PRKN: variants seen among roughly 807,000 people sequenced by gnomAD.
The protein encoded by PRKN is parkin RBR E3 ubiquitin protein ligase.
Under a neutral mutation model 59.5 loss-of-function variants are expected in PRKN, and 56 were observed. The observed-to-expected ratio is 0.94, with a 90% confidence interval of 0.76 to 1.18. The LOEUF is 1.18. Among genes scored for constraint, PRKN ranks in the 50% most tolerant of loss-of-function variants. The probability of loss-of-function intolerance (pLI) is 0.00; values close to 1 mark genes in which losing one functional copy is unlikely to be tolerated. For missense variants in PRKN, 657 were observed against 596.4 expected (o/e 1.10, Z -1.06); for synonymous variants, 250 against 222.1 (o/e 1.13, Z -1.12).
At position 161,451,476 on chromosome 6, in the gene PRKN, G is replaced by A. The variant is rs1789737088; in HGVS notation, c.1084-64599C>T. The stretch of plus-strand genomic sequence containing the variant: ...CATCAACAGACTCCATCAACAGGAG[G>A]CAACGCAGCCTCAGGATACCACCTG... On this transcript the variant is annotated intron_variant, in intron 9 of 11. Transcript: ENST00000366898. The surrounding 1 kb of genome is among the most constrained non-coding windows in gnomAD (Gnocchi z 5.9). 6.6e-6 allele frequency among the ~76,000 whole-genome samples: 1 copy of A among 152,086 alleles called. No homozygotes were observed. Among genetic ancestry groups the A allele is most frequent in the Non-Finnish European group, 1.5e-5 (1 of 67,996 alleles).
chr6:162,014,411 G>T (rs922116431), intron 5 of PRKN, among the ~76,000 whole-genome samples: 2 of 152,188 alleles, frequency 1.3e-5, no homozygotes, highest in Admixed American at 6.5e-5. Context: ...AGGCGCCTCT[G>T]CAGAGGCCTC....
chr6:162,506,442 C>G (rs1793612291), intron 1 of PRKN, among the ~76,000 whole-genome samples: 1 of 152,124 alleles, frequency 6.6e-6, no homozygotes. Context: ...AGTCCTCCCT[C>G]CAGCCCCCTG....
intron 4 of PRKN, among the ~76,000 whole-genome samples, chr6:162,070,241 A>G (rs1042225724): frequency 2.0e-5 from 3 of 152,270 alleles, no homozygotes; most frequent in African/African-American, 7.2e-5. Flanking sequence ...TGATGATTAC[A>G]TCATGCATTT....
chr6:161,520,252 T>C (rs1778770838), intron 9 of PRKN, among the ~76,000 whole-genome samples: 2 of 114,950 alleles, frequency 1.7e-5, no homozygotes, highest in South Asian at 5.8e-4. Context: ...TGAGAAAGAG[T>C]CTTGCTCTGT....
At chr6:161,716,189 A>G (rs1439621841) in intron 7 of PRKN, 2 of 799,752 alleles carry the variant, frequency 2.5e-6, no homozygotes, top group Non-Finnish European at 1.9e-6. Context: ...GCAACCTTGT[A>G]TCTGATGCTC....
chr6:162,540,892 C>T (rs906545329), intron 1 of PRKN, among the ~76,000 whole-genome samples: 2 of 152,026 alleles, frequency 1.3e-5, no homozygotes, highest in Admixed American at 1.3e-4. Flanking sequence ...ACGTGTCATT[C>T]TCACTATACA....
chr6:161,490,201 C>T (rs16892620), intron 9 of PRKN, among the ~76,000 whole-genome samples: 2 of 152,140 alleles, frequency 1.3e-5, no homozygotes, highest in African/African-American at 4.8e-5. Flanking sequence ...AGGCTTTGAA[C>T]TCTTACCCAG....
chr6:162,579,616 TACAC>T (rs562847878), intron 1 of PRKN, among the ~76,000 whole-genome samples: 1 of 148,752 alleles, frequency 6.7e-6, no homozygotes, highest in Non-Finnish European at 1.5e-5. Flanking sequence ...CACACACAGA[TACAC>T]ACATACACAC....
At chr6:162,446,061 G>C (rs1790303473) in intron 1 of PRKN, among the ~76,000 whole-genome samples, 1 of 152,098 alleles carries the variant, frequency 6.6e-6, no homozygotes, top group Non-Finnish European at 1.5e-5. Flanking sequence ...GGAGGAAAAG[G>C]TGCTTTTGAT....
At chr6:162,433,753 T>G (rs993071433) in intron 2 of PRKN, among the ~76,000 whole-genome samples, 1 of 152,196 alleles carries the variant, frequency 6.6e-6, no homozygotes, top group Non-Finnish European at 1.5e-5. Flanking sequence ...ATAGATGGAA[T>G]GCAAACACAC....
chr6:162,081,943 T>C (rs753004588), intron 4 of PRKN, among the ~76,000 whole-genome samples: 2 of 152,140 alleles, frequency 1.3e-5, no homozygotes, highest in Non-Finnish European at 2.9e-5. Context: ...GTGATGGAGA[T>C]GGCTTCTTTC....
At chr6:162,661,321 T>C (rs913540568) in intron 1 of PRKN, among the ~76,000 whole-genome samples, 1 of 152,046 alleles carries the variant, frequency 6.6e-6, no homozygotes, top group African/African-American at 2.4e-5. Flanking sequence ...GTATCTCAAG[T>C]TGAGTTAGGA....
chr6:161,889,244 CA>C (rs150393799), intron 6 of PRKN, among the ~76,000 whole-genome samples: 10,596 of 152,128 alleles, frequency 0.07, 471 homozygotes, highest in East Asian at 0.16. Flanking sequence ...GAAGAATGGA[CA>C]AAACAACTCA....
intron 5 of PRKN, among the ~76,000 whole-genome samples, chr6:162,024,843 G>C (rs1053394404): frequency 3.3e-5 from 5 of 152,056 alleles, no homozygotes; most frequent in South Asian, 2.1e-4. Context: ...TTATAAATTA[G>C]ACTAAACTGT....
chr6:161,522,885 A>G (rs1723417823), intron 9 of PRKN, among the ~76,000 whole-genome samples: 1 of 152,194 alleles, frequency 6.6e-6, no homozygotes, highest in Admixed American at 6.5e-5. Context: ...GAAATAGGTA[A>G]CATTAGATGA....
chr6:161,595,438 G>T (rs1313534194), intron 7 of PRKN, among the ~76,000 whole-genome samples: 1 of 152,178 alleles, frequency 6.6e-6, no homozygotes, highest in Non-Finnish European at 1.5e-5. Flanking sequence ...GGTTTTACCT[G>T]CTTTCCCATT....
Position 161,379,678 on chromosome 6 carries a change from G to T in PRKN, c.1167+7116C>A, listed in dbSNP as rs1173224873. Reference sequence around the variant, plus strand: ...GAAAACCTGGTCTATGCATAGGGATGTAAGGCCTGACCACTCTGTGTCCAT... The same window carrying T: ...GAAAACCTGGTCTATGCATAGGGATTTAAGGCCTGACCACTCTGTGTCCAT... On this transcript the variant is annotated intron_variant, in intron 10 of 11. Transcript: ENST00000366898. The surrounding 1 kb of genome is among the most constrained non-coding windows in gnomAD (Gnocchi z 4.9). 6.6e-6 allele frequency among the ~76,000 whole-genome samples: 1 copy of T among 152,220 alleles called. No individual in the cohort carries two copies. Among genetic ancestry groups the T allele is most frequent in the Non-Finnish European group, 1.5e-5 (1 of 68,038 alleles).
intron 9 of PRKN, among the ~76,000 whole-genome samples, chr6:161,387,717 GT>G (rs1477942966): frequency 6.6e-6 from 1 of 152,170 alleles, no homozygotes; most frequent in Non-Finnish European, 1.5e-5. Flanking sequence ...AAAGAAATGG[GT>G]GGCTATGGGC....
intron 1 of PRKN, among the ~76,000 whole-genome samples, chr6:162,680,544 T>C (rs1779732904): frequency 6.6e-6 from 1 of 152,130 alleles, no homozygotes; most frequent in Non-Finnish European, 1.5e-5. Flanking sequence ...ATAAGTAGCT[T>C]ATCTTTTAGA....
Sources: allele counts gnomAD v4.1 joint callset (sites outside exome capture counted in the v4.1 genomes callset), GRCh38; gene constraint gnomAD v4.1.1; non-coding constraint Gnocchi (gnomAD v3.1); transcripts MANE v1.5; gene names NCBI Gene and HGNC (gene_info 2026-07-23, HGNC 2026-07-21).